The following MFN2 variants were observed in gnomAD, a reference collection of about 807,000 sequenced individuals.
The protein encoded by MFN2 is mitofusin 2, also known as mitofusin-2.
A neutral mutation model predicts 87.5 loss-of-function variants in MFN2; 43 were observed. That is an observed-to-expected ratio of 0.49 (90% CI 0.38 to 0.63). The LOEUF is 0.63. Among genes scored for constraint, MFN2 ranks in the 30% least tolerant of loss-of-function variants. The pLI, the probability that MFN2 is intolerant of heterozygous loss-of-function variation, is 0.00. For missense variants in MFN2, 743 were observed against 972.8 expected (o/e 0.76, Z 3.14); for synonymous variants, 337 against 359.9 (o/e 0.94, Z 0.72).
At chr1:12,000,937 C>T (rs1255055490) in intron 8 of MFN2, among the ~76,000 whole-genome samples, 2 of 152,186 alleles carry the variant, frequency 1.3e-5, no homozygotes, top group African/African-American at 4.8e-5. Flanking sequence ...GTCTGGGAAA[C>T]TTGGTGGTGA....
intron 1 of MFN2, among the ~76,000 whole-genome samples, chr1:11,980,745 C>T (rs1464206424): frequency 2.0e-5 from 3 of 152,230 alleles, no homozygotes; most frequent in African/African-American, 7.2e-5. Context: ...CGGCCATGTT[C>T]TACCCCTGCC....
intron 18 of MFN2, 52 bp from the exon 19 acceptor site, chr1:12,011,444 A>G: frequency 6.3e-7 from 1 of 1,596,726 alleles, no homozygotes; most frequent in Non-Finnish European, 8.6e-7. Context: ...GGGTAGTCCT[A>G]ATACTGCCTA....
At chr1:12,001,957 C>T (rs753659123) in intron 10 of MFN2, 25 bp from the exon 11 acceptor site, 3 of 1,614,172 alleles carry the variant, frequency 1.9e-6, no homozygotes, top group Non-Finnish European at 2.5e-6. Context: ...GCCCCCACCT[C>T]CCTCCGTGCC....
At position 12,011,530 on chromosome 1, in the gene MFN2, A is replaced by T. The variant is rs1259403735; in HGVS notation, c.2239A>T (p.Met747Leu). Reference protein sequence around the residue: ...KAGWLDSELNMFTHQYLQPSR With the variant: ...KAGWLDSELNLFTHQYLQPSR ...CGGTTGGTTGGACAGTGAGCTCAAC[A>T]TGTTCACACACCAGTACCTGCAGCC... The change falls in exon 19 of 19, where the codon ATG becomes TTG. Residue 747 changes from methionine to leucine, a missense_variant. By Grantham distance (15) the Met-to-Leu change is conservative. Transcript: ENST00000235329. 6.2e-7 allele frequency: 1 copy of T among 1,614,166 alleles called. No individual in the cohort carries two copies. Among genetic ancestry groups the T allele is most frequent in the Non-Finnish European group, 8.5e-7 (1 of 1,180,042 alleles).
In MFN2 at chr1:12,005,905, C is replaced by T. The variant is rs545454816; in HGVS notation, c.1690C>T (p.Arg564Trp). The T allele has an allele frequency of 7.4e-6, 12 of 1,613,902 alleles. No individual in the cohort carries two copies. The highest frequency in any genetic ancestry group is 1.1e-5 in the South Asian group (1 of 91,058). ...GTTCCTGGGCCCCAAGAACAGCCGT[C>T]GGGCCTTGATGGGCTACAATGACCA... ...NRFLGPKNSRRALMGYNDQVQ... is the reference protein window; with the variant it reads ...NRFLGPKNSRWALMGYNDQVQ... The change falls in exon 15 of 19, where the codon CGG (arginine) becomes TGG (tryptophan). Residue 564 changes from arginine to tryptophan, a missense_variant. By Grantham distance (101) the Arg-to-Trp change is moderately radical. This residue lies in a region of MFN2 where 571 missense variants were observed against 670.7 expected (regional missense o/e 0.85). Transcript: ENST00000235329.
rs1268122298 is a variant in MFN2 at position 11,991,501 on chromosome 1, A to AG, written c.176-1049dup. On this transcript the variant is annotated intron_variant, in intron 3 of 18. Coordinates refer to ENST00000235329, the MANE Select transcript of MFN2 (RefSeq NM_014874.4). ...TGTGTCAGTTCTTCAGAGAGTGGGGAGGGGGTTTGGGCAGCAGGGAATGGA... is the reference window on the plus strand; with the variant it reads ...TGTGTCAGTTCTTCAGAGAGTGGGGAGGGGGGTTTGGGCAGCAGGGAATGGA... 5.3e-5 allele frequency among the ~76,000 whole-genome samples: 8 copies of AG among 151,788 alleles called. No individual in the cohort carries two copies. In the East Asian group the frequency reaches 1.6e-3, roughly 29 times the overall value.
chr1:12,009,315 T>C (rs938126404), intron 17 of MFN2, among the ~76,000 whole-genome samples: 1 of 152,220 alleles, frequency 6.6e-6, no homozygotes, highest in African/African-American at 2.4e-5. Context: ...GCTACTCGGC[T>C]GATGAGCAGC....
chr1:12,002,620 C>T (rs1639229098), intron 11 of MFN2, among the ~76,000 whole-genome samples: 1 of 152,180 alleles, frequency 6.6e-6, no homozygotes, highest in Non-Finnish European at 1.5e-5. Context: ...CCCAGGAGTT[C>T]AGGGTTCCAG....
At chr1:12,009,152 A>G (rs1639576070) in intron 17 of MFN2, among the ~76,000 whole-genome samples, 1 of 152,216 alleles carries the variant, frequency 6.6e-6, no homozygotes, top group Non-Finnish European at 1.5e-5. Flanking sequence ...TGGCGGCAGT[A>G]CAGTCCAGCT....
At chr1:11,994,020 C>T (rs1218271413) in intron 4 of MFN2, among the ~76,000 whole-genome samples, 1 of 152,140 alleles carries the variant, frequency 6.6e-6, no homozygotes, top group Non-Finnish European at 1.5e-5. Flanking sequence ...CAGCTGTAGT[C>T]AAAGGTGTGC....
intron 2 of MFN2, among the ~76,000 whole-genome samples, chr1:11,986,616 A>C (rs1197178176): frequency 8.2e-6 from 1 of 121,438 alleles, no homozygotes; most frequent in East Asian, 2.3e-4. Flanking sequence ...TTTGAGATGG[A>C]GTCTTGCTCT....
intron 18 of MFN2, 22 bp from the exon 19 acceptor site, chr1:12,011,474 C>G (rs372959906): frequency 5.0e-6 from 8 of 1,613,572 alleles, no homozygotes; most frequent in African/African-American, 1.3e-5. Flanking sequence ...ATCATGGTTA[C>G]AAAAGAACCA....
intron 18 of MFN2, 68 bp from the exon 19 acceptor site, chr1:12,011,428 C>T (rs993343288): frequency 2.6e-6 from 4 of 1,517,164 alleles, no homozygotes; most frequent in Admixed American, 3.4e-5. Context: ...TAGGATGGTG[C>T]CTGGCGGGTA....
chr1:11,997,720 G>A (rs907584577), intron 6 of MFN2, among the ~76,000 whole-genome samples: 26 of 152,234 alleles, frequency 1.7e-4, no homozygotes, highest in African/African-American at 6.3e-4. Context: ...TGTACTGGGG[G>A]TGGGGAGTTG....
intron 17 of MFN2, among the ~76,000 whole-genome samples, chr1:12,008,934 C>T (rs564693665): frequency 6.6e-6 from 1 of 152,368 alleles, no homozygotes; most frequent in Admixed American, 6.5e-5. Context: ...GAACGAGACT[C>T]CATCTGCAAT....
intron 18 of MFN2, among the ~76,000 whole-genome samples, chr1:12,010,133 G>T (rs931953609): frequency 6.6e-6 from 1 of 152,050 alleles, no homozygotes; most frequent in Non-Finnish European, 1.5e-5. Flanking sequence ...CAGCCTGGGC[G>T]ACAAGAGCAA....
At position 12,013,152 on chromosome 1, in the gene MFN2, A is replaced by C. The variant is rs1330198649; in HGVS notation, c.*1587A>C. The C allele has an allele frequency of 2.9e-6, 1 of 348,402 alleles. No individual in the cohort carries two copies. The highest frequency in any genetic ancestry group is 2.2e-5 in the African/African-American group (1 of 46,266). 21.6% of individuals were successfully genotyped at this position (348,402 alleles called of 1,614,324 possible). The stretch of plus-strand genomic sequence containing the variant: ...GGGCCACTTCACAGCATGTCAGGGA[A>C]AATCACTGTCACACAATTCCAATGG... On this transcript the variant is annotated 3_prime_UTR_variant, in exon 19 of 19. Coordinates refer to ENST00000235329, the MANE Select transcript of MFN2 (RefSeq NM_014874.4).
intron 6 of MFN2, 80 bp downstream of exon 6, chr1:11,997,501 C>T: frequency 1.3e-6 from 2 of 1,590,796 alleles, no homozygotes; most frequent in Non-Finnish European, 1.7e-6. Flanking sequence ...GGCCAGGGTC[C>T]CTGGGCCCCA....
intron 4 of MFN2, among the ~76,000 whole-genome samples, chr1:11,994,483 G>C (rs1021735751): frequency 6.6e-6 from 1 of 152,132 alleles, no homozygotes; most frequent in Non-Finnish European, 1.5e-5. Context: ...CCAGCTACTT[G>C]GGAGGCTGAG....
Sources: gnomAD v4.1 joint callset for allele counts (sites outside exome capture counted in the v4.1 genomes callset) on GRCh38, gnomAD v4.1.1 for gene constraint, gnomAD v4.1.1 regional missense constraint, MANE v1.5 for transcripts, NCBI Gene and HGNC (gene_info 2026-07-23, HGNC 2026-07-21) for gene names.